Variants in ADGRV1 observed in about 807,000 individuals in gnomAD.
ADGRV1 encodes the protein G-protein coupled receptor 98.
ADGRV1 carries 359 observed loss-of-function variants against 596.2 expected under a neutral mutation model. That is an observed-to-expected ratio of 0.60 (90% CI 0.55 to 0.66). ADGRV1 has a LOEUF of 0.66. Ranked by LOEUF, ADGRV1 falls within the 30% of genes least tolerant of loss-of-function variation. The probability of loss-of-function intolerance (pLI) is 0.00; values close to 1 mark genes in which losing one functional copy is unlikely to be tolerated. For missense variants in ADGRV1, 7,274 were observed against 7,575.6 expected (o/e 0.96, Z 1.48); for synonymous variants, 2,681 against 2,679.2 (o/e 1.00, Z -0.02).
Position 90,806,231 on chromosome 5 carries a change from T to G in ADGRV1, c.14836+773T>G, listed in dbSNP as rs1561771825. 2.6e-5 allele frequency among the ~76,000 whole-genome samples: 4 copies of G among 152,048 alleles called. No homozygotes were observed. In the South Asian group the frequency reaches 8.3e-4, roughly 32 times the overall value. On this transcript the variant is annotated intron_variant, in intron 72 of 89. Transcript: ENST00000405460. ...GGCTAGGCCAGTGAAAATGACAACA[T>G]TTTCATGCCAGCTTCCATCCTAACA... is the stretch of plus-strand genomic sequence containing the variant.
At chr5:90,982,347 T>G (rs1465895110) in intron 84 of ADGRV1, among the ~76,000 whole-genome samples, 1 of 152,198 alleles carries the variant, frequency 6.6e-6, no homozygotes, top group Non-Finnish European at 1.5e-5. Context: ...TTGATGGTAT[T>G]AAGTGAGGAC....
At chr5:91,118,311 T>C (rs1176121723) in intron 87 of ADGRV1, among the ~76,000 whole-genome samples, 1 of 152,002 alleles carries the variant, frequency 6.6e-6, no homozygotes, top group Admixed American at 6.6e-5. Flanking sequence ...GATGGTCACA[T>C]GAGCAAAGTC....
At chr5:90,976,286 A>C (rs1222162647) in intron 84 of ADGRV1, among the ~76,000 whole-genome samples, 1 of 131,136 alleles carries the variant, frequency 7.6e-6, no homozygotes, top group Non-Finnish European at 1.6e-5. Context: ...GTGTATCTGT[A>C]TGTGTGTGTA....
chr5:91,023,829 T>C lies in ADGRV1; in HGVS notation c.18152+38307T>C, dbSNP rs1581818741. ...GAGTATCACTAAAACGCTTCTAAAATATTATTTTTGTTTATTTTTAGGACC... is the reference window on the plus strand; with the variant it reads ...GAGTATCACTAAAACGCTTCTAAAACATTATTTTTGTTTATTTTTAGGACC... On this transcript the variant is annotated intron_variant, in intron 85 of 89. Coordinates refer to ENST00000405460, the MANE Select transcript of ADGRV1 (RefSeq NM_032119.4). 3.9e-5 allele frequency among the ~76,000 whole-genome samples: 6 copies of C among 152,226 alleles called. 1 individual carries two copies. Among genetic ancestry groups the C allele is most frequent in the Admixed American group, 3.9e-4 (6 of 15,282 alleles).
chr5:90,785,361 T>C (rs1759318603), intron 67 of ADGRV1, among the ~76,000 whole-genome samples: 1 of 152,160 alleles, frequency 6.6e-6, no homozygotes, highest in Non-Finnish European at 1.5e-5. Flanking sequence ...ACTTCATGTC[T>C]AAAACACCAA....
chr5:90,657,101 A>G (rs1259419254), intron 20 of ADGRV1, among the ~76,000 whole-genome samples: 5 of 151,830 alleles, frequency 3.3e-5, no homozygotes, highest in African/African-American at 2.4e-5. Flanking sequence ...AAATAATAAT[A>G]TAGTACTGAA....
At chr5:90,848,537 A>G (rs1208729501) in intron 78 of ADGRV1, 100 bp from the exon 79 acceptor site, 1 of 500,086 alleles carries the variant, frequency 2.0e-6, no homozygotes, top group Admixed American at 4.4e-5. Flanking sequence ...TACTAATGTT[A>G]ATAACTATTA....
At chr5:91,069,145 A>G (rs1245468215) in intron 85 of ADGRV1, among the ~76,000 whole-genome samples, 2 of 152,192 alleles carry the variant, frequency 1.3e-5, no homozygotes. Flanking sequence ...TTAACTCAGG[A>G]TGGATTAAAG....
chr5:90,558,996 C>A (rs1473010473), intron 1 of ADGRV1, 79 bp downstream of exon 1: 11 of 1,314,156 alleles, frequency 8.4e-6, no homozygotes, highest in Non-Finnish European at 1.0e-6. Context: ...CCTGTTGCTG[C>A]AGGTGGGCGG....
chr5:90,695,313 T>A (rs1747043568), intron 33 of ADGRV1, among the ~76,000 whole-genome samples: 3 of 152,238 alleles, frequency 2.0e-5, no homozygotes, highest in Middle Eastern at 6.8e-3. Flanking sequence ...CTAATTAGAA[T>A]TAGGATCAGA....
At chr5:90,835,663 T>A (rs554059601) in intron 77 of ADGRV1, among the ~76,000 whole-genome samples, 1 of 152,346 alleles carries the variant, frequency 6.6e-6, no homozygotes, top group South Asian at 2.1e-4. Context: ...AGGAGATTTC[T>A]CATGGAAAAC....
At chr5:90,656,243 A>G (rs1278977143) in intron 20 of ADGRV1, among the ~76,000 whole-genome samples, 1 of 152,238 alleles carries the variant, frequency 6.6e-6, no homozygotes, top group Non-Finnish European at 1.5e-5. Flanking sequence ...GGCATTTTCC[A>G]TACATTACCT....
intron 21 of ADGRV1, among the ~76,000 whole-genome samples, chr5:90,665,496 TTCTC>T (rs1054981675): frequency 2.0e-5 from 3 of 152,098 alleles, no homozygotes; most frequent in Non-Finnish European, 2.9e-5. Context: ...TATTTGATTC[TTCTC>T]TCTTTTTTTC....
At chr5:90,646,200 T>G in intron 16 of ADGRV1, 109 bp downstream of exon 16, 3 of 529,252 alleles carry the variant, frequency 5.7e-6, no homozygotes, top group Non-Finnish European at 5.6e-6. Flanking sequence ...GTATATACAT[T>G]TATATACATA....
intron 74 of ADGRV1, among the ~76,000 whole-genome samples, chr5:90,815,074 A>C (rs74591138): frequency 0.032 from 4,848 of 152,048 alleles, 132 homozygotes; most frequent in East Asian, 0.12. Flanking sequence ...GGAGTTCCTT[A>C]ATATTTCTGT....
At chr5:90,790,824 C>T (rs1759985642) in intron 69 of ADGRV1, 49 bp from the exon 70 acceptor site, 11 of 1,188,356 alleles carry the variant, frequency 9.3e-6, no homozygotes, top group Non-Finnish European at 1.3e-5. Flanking sequence ...GAATTTGGTG[C>T]AATATACTGA....
chr5:90,653,231 C>T lies in ADGRV1; in HGVS notation c.3657C>T (p.Gly1219=). ...NISGGSPGPG[G]QLAETNLQVT... ...CAGGTGGATCCCCAGGTCCTGGGGG[C>T]CAGCTAGCAGAAACCAACCTCCAGG... is the stretch of plus-strand genomic sequence containing the variant. Residue 1219 remains glycine (G), a synonymous_variant, in exon 20 of 90, where the codon GGC becomes GGT. Coordinates refer to ENST00000405460, the MANE Select transcript of ADGRV1 (RefSeq NM_032119.4). The T allele has an allele frequency of 6.2e-7, 1 of 1,610,382 alleles. No homozygotes were observed. The highest frequency in any genetic ancestry group is 8.5e-7 in the Non-Finnish European group (1 of 1,177,468).
At chr5:90,649,292 A>G (rs571702756) in intron 17 of ADGRV1, among the ~76,000 whole-genome samples, 1 of 152,088 alleles carries the variant, frequency 6.6e-6, no homozygotes, top group African/African-American at 2.4e-5. Flanking sequence ...GTGAAAAATG[A>G]TATTATCTTA....
intron 85 of ADGRV1, among the ~76,000 whole-genome samples, chr5:90,999,800 T>A (rs1364066456): frequency 1.3e-5 from 2 of 152,082 alleles, no homozygotes; most frequent in Non-Finnish European, 2.9e-5. Flanking sequence ...ATAGAGGAAG[T>A]TCTGTTGTAG....
Sources: allele counts gnomAD v4.1 joint callset (sites outside exome capture counted in the v4.1 genomes callset), GRCh38; gene constraint gnomAD v4.1.1; transcripts MANE v1.5; gene names NCBI Gene and HGNC (gene_info 2026-07-23, HGNC 2026-07-21).